The following STX8 variants were observed in gnomAD, a reference collection of about 807,000 sequenced individuals.
STX8 encodes syntaxin-8.
In STX8, 23 loss-of-function variants were observed where a neutral mutation model predicts 37.5. That is an observed-to-expected ratio of 0.61 (90% CI 0.44 to 0.87). STX8 has a LOEUF of 0.87. STX8 is among the 40% of genes least tolerant of loss of function. The pLI, the probability that STX8 is intolerant of heterozygous loss-of-function variation, is 0.00. For missense variants in STX8, 313 were observed against 284.7 expected (o/e 1.10, Z -0.71); for synonymous variants, 115 against 99.1 (o/e 1.16, Z -0.95).
chr17:9,495,531 G>T (rs1904352031), intron 5 of STX8, among the ~76,000 whole-genome samples: 2 of 152,140 alleles, frequency 1.3e-5, no homozygotes, highest in African/African-American at 2.4e-5. Context: ...TAGAGACATA[G>T]ATTATGAATG....
chr17:9,388,484 C>CA (rs1180716423), intron 6 of STX8, among the ~76,000 whole-genome samples: 1 of 151,788 alleles, frequency 6.6e-6, no homozygotes, highest in African/African-American at 2.4e-5. Flanking sequence ...GTAATTCCCC[C>CA]ATGTGTTCAC....
intron 7 of STX8, among the ~76,000 whole-genome samples, chr17:9,257,205 C>T (rs1449213527): frequency 1.3e-5 from 2 of 152,148 alleles, no homozygotes; most frequent in Admixed American, 6.6e-5. Flanking sequence ...TATTACTCAA[C>T]CACTTACAAT....
chr17:9,516,298 C>CATAT (rs150682084), intron 4 of STX8, among the ~76,000 whole-genome samples: 2,520 of 51,184 alleles, frequency 0.049, 201 homozygotes, highest in Non-Finnish European at 0.063. Flanking sequence ...GAACCACAGT[C>CATAT]ATATATATAT....
intron 7 of STX8, chr17:9,273,172 G>A (rs1395647870): frequency 6.6e-6 from 1 of 152,214 alleles, no homozygotes; most frequent in Non-Finnish European, 1.5e-5. Context: ...GGCAGGAACT[G>A]GAATCTATAG....
chr17:9,400,924 T>C (rs1912594143), intron 6 of STX8, among the ~76,000 whole-genome samples: 1 of 152,162 alleles, frequency 6.6e-6, no homozygotes, highest in South Asian at 2.1e-4. Flanking sequence ...TGTACAGTTT[T>C]TATATCTCTA....
chr17:9,555,016 CAGTAGAAATAGATCAATTATTTG>C (rs1290149849), intron 3 of STX8: 1 of 151,516 alleles, frequency 6.6e-6, no homozygotes, highest in Non-Finnish European at 1.5e-5. Context: ...CAGGTTGTTA[CAGTAGAAATAGATCAATTATTTG>C]AAAAAATAAA....
chr17:9,527,244 A>C (rs1905616347), intron 4 of STX8, among the ~76,000 whole-genome samples: 2 of 144,152 alleles, frequency 1.4e-5, no homozygotes, highest in Non-Finnish European at 3.0e-5. Context: ...AGGAGTTAGA[A>C]TCCAGCCTGG....
chr17:9,552,572 T>C (rs1906806754), intron 3 of STX8, among the ~76,000 whole-genome samples: 1 of 152,162 alleles, frequency 6.6e-6, no homozygotes, highest in South Asian at 2.1e-4. Flanking sequence ...AATCACCACA[T>C]CTGTCTATGC....
chr17:9,296,009 T>G (rs1364676822), intron 7 of STX8, among the ~76,000 whole-genome samples: 1 of 151,836 alleles, frequency 6.6e-6, no homozygotes, highest in Non-Finnish European at 1.5e-5. Flanking sequence ...GCTAACACGG[T>G]GAAACCCTGC....
At chr17:9,343,873 T>C (rs537876123) in intron 7 of STX8, among the ~76,000 whole-genome samples, 69 of 152,286 alleles carry the variant, frequency 4.5e-4, no homozygotes, top group Non-Finnish European at 8.2e-4. Context: ...AGGTTAATAC[T>C]GATGTTAAAA....
At chr17:9,558,553 C>T (rs1204000690) in intron 2 of STX8, among the ~76,000 whole-genome samples, 1 of 152,090 alleles carries the variant, frequency 6.6e-6, no homozygotes, top group Non-Finnish European at 1.5e-5. Flanking sequence ...GAGAAAAGAG[C>T]GGCCGGGCGC....
At chr17:9,517,944 T>C (rs1157767219) in intron 4 of STX8, among the ~76,000 whole-genome samples, 3 of 152,012 alleles carry the variant, frequency 2.0e-5, no homozygotes, top group African/African-American at 4.8e-5. Flanking sequence ...CACATAAACA[T>C]GTGTGATGTA....
intron 6 of STX8, among the ~76,000 whole-genome samples, chr17:9,486,393 C>G (rs1906598359): frequency 6.6e-6 from 1 of 152,178 alleles, no homozygotes; most frequent in South Asian, 2.1e-4. Flanking sequence ...TGGCAAAGAC[C>G]TGCACACACC....
At chr17:9,464,048 C>A (rs1189056027) in intron 6 of STX8, among the ~76,000 whole-genome samples, 1 of 152,146 alleles carries the variant, frequency 6.6e-6, no homozygotes, top group East Asian at 1.9e-4. Context: ...GCACTCCAGC[C>A]TGGGTAACAG....
intron 6 of STX8, among the ~76,000 whole-genome samples, chr17:9,392,217 T>C (rs777681347): frequency 6.6e-6 from 1 of 152,166 alleles, no homozygotes; most frequent in Non-Finnish European, 1.5e-5. Flanking sequence ...ACGCAAAATT[T>C]TGCAGCATAT....
At chr17:9,570,257 C>T (rs1907634124) in intron 1 of STX8, among the ~76,000 whole-genome samples, 1 of 151,882 alleles carries the variant, frequency 6.6e-6, no homozygotes, top group Non-Finnish European at 1.5e-5. Context: ...AGGAATCTTA[C>T]TAGAATAATT....
At chr17:9,425,955 C>T (rs1197178958) in intron 6 of STX8, among the ~76,000 whole-genome samples, 1 of 152,160 alleles carries the variant, frequency 6.6e-6, no homozygotes, top group African/African-American at 2.4e-5. Context: ...ACAGCTGAAA[C>T]ATGGCTCCAA....
intron 7 of STX8, among the ~76,000 whole-genome samples, chr17:9,252,909 A>T (rs1358942783): frequency 7.6e-6 from 1 of 132,388 alleles, no homozygotes; most frequent in Non-Finnish European, 1.7e-5. Flanking sequence ...GAGGGTTGTC[A>T]AAAAGGTAAA....
chr17:9,410,142 T>C (rs1047754857), intron 6 of STX8, among the ~76,000 whole-genome samples: 2 of 152,262 alleles, frequency 1.3e-5, no homozygotes, highest in African/African-American at 4.8e-5. Flanking sequence ...TCTTCCACTC[T>C]GTTTCATGCT....
Sources: allele counts gnomAD v4.1 joint callset (sites outside exome capture counted in the v4.1 genomes callset), GRCh38; gene constraint gnomAD v4.1.1; transcripts MANE v1.5; gene names NCBI Gene and HGNC (gene_info 2026-07-23, HGNC 2026-07-21).